CLVS2: variants seen among roughly 807,000 people sequenced by gnomAD.
CLVS2 encodes clavesin 2, also known as clavesin-2.
A neutral mutation model predicts 29.0 loss-of-function variants in CLVS2; 19 were observed. That is an observed-to-expected ratio of 0.66 (90% CI 0.46 to 0.96). CLVS2 has a LOEUF of 0.96. CLVS2 is among the 40% of genes least tolerant of loss of function. The pLI, the probability that CLVS2 is intolerant of heterozygous loss-of-function variation, is 0.00. For synonymous variants in CLVS2, 161 were observed against 151.3 expected, an observed-to-expected ratio of 1.06 and a Z score of -0.47; for missense variants, 294 against 404.1, an observed-to-expected ratio of 0.73 and a Z score of 2.34.
chr6:123,066,803 G>A lies in CLVS2; in HGVS notation c.*3042G>A, dbSNP rs917156634. 1.3e-5 allele frequency: 2 copies of A among 151,744 alleles called. No homozygotes were observed. Among genetic ancestry groups the A allele is most frequent in the South Asian group, 2.1e-4 (1 of 4,820 alleles). The allele number at this position is 151,744 out of a possible 1,614,324, so 9.4% of individuals were successfully genotyped here. A position where few individuals can be genotyped will look rare whatever the true frequency, so the allele number is the denominator to read the frequency against. The stretch of plus-strand genomic sequence containing the variant: ...GTACTCTCTTCCAAAAAGTAAATAC[G>A]TAAATCTATATTATATAGGTGAAAT... On this transcript the variant is annotated 3_prime_UTR_variant, in exon 6 of 6. Coordinates refer to ENST00000275162, the MANE Select transcript of CLVS2 (RefSeq NM_001010852.4).
intron 4 of CLVS2, among the ~76,000 whole-genome samples, chr6:123,052,933 G>A (rs1772635347): frequency 6.7e-6 from 1 of 149,856 alleles, no homozygotes; most frequent in Non-Finnish European, 1.5e-5. Flanking sequence ...CTAGTGCAGG[G>A]ATATTATTTT....
chr6:123,063,440 T>C (rs1361222449), intron 5 of CLVS2, among the ~76,000 whole-genome samples: 1 of 152,266 alleles, frequency 6.6e-6, no homozygotes, highest in Admixed American at 6.5e-5. Flanking sequence ...TTTAGAATCA[T>C]TGGCGGCTCA....
chr6:123,024,546 T>C (rs904741675), intron 3 of CLVS2, among the ~76,000 whole-genome samples: 1 of 152,142 alleles, frequency 6.6e-6, no homozygotes, highest in Admixed American at 6.6e-5. Flanking sequence ...TATGGTAGAA[T>C]TTTGATTATT....
intron 5 of CLVS2, among the ~76,000 whole-genome samples, chr6:123,057,334 CTTTTTTTTTTTTTTTTTTT>C: frequency 1.2e-5 from 1 of 83,688 alleles, no homozygotes; most frequent in East Asian, 3.4e-4. Context: ...GGATGGTCTT[CTTTTTTTTTTTTTTTTTTT>C]TTTTTTTTTT....
intron 4 of CLVS2, 75 bp from the exon 5 acceptor site, chr6:123,055,731 T>TC (rs1453300750): frequency 2.9e-6 from 3 of 1,042,784 alleles, no homozygotes; most frequent in East Asian, 2.4e-5. Flanking sequence ...TATCCTCACA[T>TC]CCCCCCTGTA....
chr6:123,049,802 G>GA, intron 4 of CLVS2, among the ~76,000 whole-genome samples: 1 of 118,040 alleles, frequency 8.5e-6, no homozygotes, highest in African/African-American at 3.7e-5. Context: ...CCTGTTGTGG[G>GA]ATGGGGGGCG....
At chr6:123,009,704 A>G (rs2114306453) in intron 2 of CLVS2, among the ~76,000 whole-genome samples, 1 of 152,156 alleles carries the variant, frequency 6.6e-6, no homozygotes, top group South Asian at 2.1e-4. Context: ...TGTCCGGGGA[A>G]AAAACTTAAA....
intron 3 of CLVS2, among the ~76,000 whole-genome samples, chr6:123,032,678 T>A (rs1433137383): frequency 6.6e-6 from 1 of 152,128 alleles, no homozygotes; most frequent in Non-Finnish European, 1.5e-5. Flanking sequence ...ATTCTTAGTA[T>A]GATACTCAGC....
At chr6:123,023,314 C>T (rs1582650837) in intron 3 of CLVS2, among the ~76,000 whole-genome samples, 1 of 152,148 alleles carries the variant, frequency 6.6e-6, no homozygotes, top group South Asian at 2.1e-4. Flanking sequence ...CCTGCATTGT[C>T]CCTGAATCTC....
In CLVS2 at chr6:123,070,529, G is replaced by A. The variant is rs946298297; in HGVS notation, c.*6768G>A. On this transcript the variant is annotated 3_prime_UTR_variant, in exon 6 of 6. Coordinates refer to ENST00000275162, the MANE Select transcript of CLVS2 (RefSeq NM_001010852.4). ...CAATTTTCAACACATTAGCAAGAGTGAGTCTCTTAAAATGTAACTCAGACC... is the reference window on the plus strand; with the variant it reads ...CAATTTTCAACACATTAGCAAGAGTAAGTCTCTTAAAATGTAACTCAGACC... The A allele has an allele frequency of 4.6e-5, 7 of 151,878 alleles. No homozygotes were observed. The highest frequency in any genetic ancestry group is 1.7e-4 in the African/African-American group (7 of 41,394). The allele number at this position is 151,878 out of a possible 1,614,324, so 9.4% of individuals were successfully genotyped here. A position where few individuals can be genotyped will look rare whatever the true frequency, so the allele number is the denominator to read the frequency against.
At chr6:123,017,076 TTGCATGTG>T (rs1774845916) in intron 3 of CLVS2, among the ~76,000 whole-genome samples, 1 of 126,648 alleles carries the variant, frequency 7.9e-6, no homozygotes, top group Non-Finnish European at 1.6e-5. Flanking sequence ...AGCTTTGAAA[TTGCATGTG>T]TGTATGTGTG....
intron 2 of CLVS2, among the ~76,000 whole-genome samples, chr6:122,999,431 A>G (rs1179162926): frequency 6.6e-6 from 1 of 152,174 alleles, no homozygotes; most frequent in African/African-American, 2.4e-5. Context: ...CTACCTGAAG[A>G]TTCATAATGC....
At chr6:123,047,530 G>A (rs1414211160) in intron 3 of CLVS2, among the ~76,000 whole-genome samples, 1 of 152,022 alleles carries the variant, frequency 6.6e-6, no homozygotes, top group Non-Finnish European at 1.5e-5. Context: ...ATTCACTACT[G>A]CTCGTAAGTG....
In CLVS2 at chr6:123,055,787, C is replaced by A; in HGVS notation, c.676-19C>A. 1 of 1,555,626 alleles carries A rather than the reference C, an allele frequency of 6.4e-7. No individual in the cohort carries two copies. The highest frequency in any genetic ancestry group is 8.9e-7 in the Non-Finnish European group (1 of 1,126,940). Reference sequence around the variant, plus strand: ...TTCCTCTGTGTCTTTCCCTTCCTCCCGTCTTCTTGCATTTATAGATATTTT... The same window carrying A: ...TTCCTCTGTGTCTTTCCCTTCCTCCAGTCTTCTTGCATTTATAGATATTTT... On this transcript the variant is annotated intron_variant, in intron 4 of 5. Transcript: ENST00000275162.
Position 123,066,837 on chromosome 6 carries a change from C to G in CLVS2, c.*3076C>G, listed in dbSNP as rs1772869520. 6.6e-6 allele frequency: 1 copy of G among 151,580 alleles called. No individual in the cohort carries two copies. Among genetic ancestry groups the G allele is most frequent in the Non-Finnish European group, 1.5e-5 (1 of 67,694 alleles). The allele number at this position is 151,580 out of a possible 1,614,324, so 9.4% of individuals were successfully genotyped here. On this transcript the variant is annotated 3_prime_UTR_variant, in exon 6 of 6. Coordinates refer to ENST00000275162, the MANE Select transcript of CLVS2 (RefSeq NM_001010852.4). ...TATTATATAGGTGAAATATAGATAT[C>G]ATTTGAAGAAGGATATTTAAGGCCT...
intron 3 of CLVS2, among the ~76,000 whole-genome samples, chr6:123,021,907 T>C (rs1328760833): frequency 6.6e-6 from 1 of 152,076 alleles, no homozygotes; most frequent in Non-Finnish European, 1.5e-5. Flanking sequence ...TTGTTGCTAG[T>C]ATGTATCTTT....
intron 2 of CLVS2, among the ~76,000 whole-genome samples, chr6:122,999,353 A>AT (rs202217058): frequency 6.6e-6 from 1 of 152,000 alleles, no homozygotes; most frequent in African/African-American, 2.4e-5. Flanking sequence ...TTTTATTGTG[A>AT]TTTTTTTCCC....
intron 4 of CLVS2, among the ~76,000 whole-genome samples, chr6:123,052,482 A>G (rs1772626052): frequency 6.6e-6 from 1 of 152,208 alleles, no homozygotes; most frequent in South Asian, 2.1e-4. Flanking sequence ...ATATTTTGAC[A>G]TGGTCATTCT....
At chr6:123,033,949 A>G (rs943145872) in intron 3 of CLVS2, among the ~76,000 whole-genome samples, 1 of 152,212 alleles carries the variant, frequency 6.6e-6, no homozygotes, top group Non-Finnish European at 1.5e-5. Flanking sequence ...ATGGCACATA[A>G]GCACATGAAA....
Sources: gnomAD v4.1 joint callset for allele counts (sites outside exome capture counted in the v4.1 genomes callset) on GRCh38, gnomAD v4.1.1 for gene constraint, MANE v1.5 for transcripts, NCBI Gene and HGNC (gene_info 2026-07-23, HGNC 2026-07-21) for gene names.